VPS50: variants seen among roughly 807,000 people sequenced by gnomAD.
VPS50 encodes the protein syndetin.
In VPS50, 70 loss-of-function variants were observed where a neutral mutation model predicts 139.7. That is an observed-to-expected ratio of 0.50 (90% CI 0.41 to 0.61). The LOEUF is 0.61. Among genes scored for constraint, VPS50 ranks in the 20% least tolerant of loss-of-function variants. VPS50 has a pLI of 0.00. For synonymous variants in VPS50, 365 were observed against 376.7 expected, an observed-to-expected ratio of 0.97 and a Z score of 0.36; for missense variants, 921 against 1,133.7, an observed-to-expected ratio of 0.81 and a Z score of 2.69.
chr7:93,275,299 A>G (rs1223009790), intron 11 of VPS50, among the ~76,000 whole-genome samples: 1 of 152,200 alleles, frequency 6.6e-6, no homozygotes, highest in East Asian at 1.9e-4. Flanking sequence ...TCTACTGTGG[A>G]TAAAATGCTA....
At chr7:93,246,147 G>GT (rs1562847908) in intron 2 of VPS50, 2 of 1,417,790 alleles carry the variant, frequency 1.4e-6, no homozygotes, top group South Asian at 2.5e-5. Flanking sequence ...TATAGCTTCC[G>GT]TTTTCCCTAT....
chr7:93,244,556 G>A (rs1459819075), intron 2 of VPS50, among the ~76,000 whole-genome samples: 2 of 151,784 alleles, frequency 1.3e-5, no homozygotes, highest in African/African-American at 2.4e-5. Context: ...CTTTTTGCTC[G>A]AATGTTTTAT....
intron 23 of VPS50, among the ~76,000 whole-genome samples, chr7:93,342,414 A>G (rs1798245209): frequency 6.6e-6 from 1 of 152,218 alleles, no homozygotes; most frequent in Non-Finnish European, 1.5e-5. Flanking sequence ...GGCACCCGCC[A>G]TTGCCCAGGC....
intron 20 of VPS50, among the ~76,000 whole-genome samples, chr7:93,313,282 G>T (rs1435286872): frequency 3.9e-5 from 6 of 152,184 alleles, no homozygotes; most frequent in African/African-American, 7.2e-5. Flanking sequence ...CAAGGGAAGT[G>T]GGCAGGGCTG....
chr7:93,328,192 C>A (rs573251595), intron 21 of VPS50, among the ~76,000 whole-genome samples: 1 of 152,248 alleles, frequency 6.6e-6, no homozygotes, highest in South Asian at 2.1e-4. Context: ...CCATTGTTCA[C>A]CTCTTAAATT....
intron 9 of VPS50, among the ~76,000 whole-genome samples, chr7:93,268,698 G>T (rs1562860603): frequency 6.6e-6 from 1 of 152,146 alleles, no homozygotes; most frequent in Admixed American, 6.6e-5. Context: ...TGGTGTATAT[G>T]TACCACATTT....
chr7:93,297,740 TAA>T (rs1469771960), intron 16 of VPS50, among the ~76,000 whole-genome samples: 1 of 152,106 alleles, frequency 6.6e-6, no homozygotes, highest in Non-Finnish European at 1.5e-5. Flanking sequence ...TGCTAATATT[TAA>T]AAGAGTGACT....
At chr7:93,303,283 A>G (rs1330929086) in intron 16 of VPS50, among the ~76,000 whole-genome samples, 177 bp from the exon 17 acceptor site, 1 of 151,914 alleles carries the variant, frequency 6.6e-6, no homozygotes, top group African/African-American at 2.4e-5. Context: ...ATGATAAGAT[A>G]TTAACTAATA....
chr7:93,296,692 T>G (rs1357004598), intron 14 of VPS50, 50 bp from the exon 15 acceptor site: 1 of 1,577,894 alleles, frequency 6.3e-7, no homozygotes, highest in East Asian at 2.3e-5. Flanking sequence ...TCTGATAACT[T>G]ATTTTCTATA....
At chr7:93,233,424 T>C (rs548514132) in intron 1 of VPS50, among the ~76,000 whole-genome samples, 1 of 152,346 alleles carries the variant, frequency 6.6e-6, no homozygotes, top group Admixed American at 6.5e-5. Context: ...GAAAGGTATA[T>C]TTGTGAGTTT....
rs1447004050 is a variant in VPS50, at chr7:93,359,929, T to C, written c.*1493T>C. ...AGTTCATTTACTGTCAATTTAAAAC[T>C]TTCCTCTTGTAAAAAGGTATGAGTT... On this transcript the variant is annotated 3_prime_UTR_variant, in exon 28 of 28. Transcript: ENST00000305866. 6.6e-6 allele frequency: 1 copy of C among 152,316 alleles called. No homozygotes were observed. The highest frequency in any genetic ancestry group is 1.9e-4 in the East Asian group (1 of 5,186). 9.4% of individuals were successfully genotyped at this position (152,316 alleles called of 1,614,324 possible).
In VPS50 at chr7:93,324,219, C is replaced by T. The variant is rs181095331; in HGVS notation, c.1977+487C>T. ...CAATGGGGTTTTCTAGATATACAAT[C>T]ATGTCATCTGCAAACAGGGACAATT... On this transcript the variant is annotated intron_variant, in intron 21 of 27. Coordinates refer to ENST00000305866, the MANE Select transcript of VPS50 (RefSeq NM_017667.4). Among the ~76,000 whole-genome samples, 11 of 152,310 alleles carry T rather than the reference C, an allele frequency of 7.2e-5. 1 individual carries two copies. The highest frequency in any genetic ancestry group is 7.2e-4 in the Admixed American group (11 of 15,298).
chr7:93,348,661 T>C (rs968350212), intron 23 of VPS50, 50 bp from the exon 24 acceptor site: 3 of 1,177,934 alleles, frequency 2.5e-6, no homozygotes, highest in Non-Finnish European at 2.5e-6. Context: ...CATGACAGGC[T>C]CTAAATCCTA....
chr7:93,291,811 A>G lies in VPS50; in HGVS notation c.1051A>G (p.Asn351Asp). The stretch of plus-strand genomic sequence containing the variant: ...TATGGAATGGCATGAAAAGCATGAC[A>G]ATGAGGATACTGCTTCAGCTTCTGG... ...RTMEWHEKHD[N>D]EDTASASEGS... Residue 351 changes from asparagine (N) to aspartate (D), a missense_variant, in exon 13 of 28, where the codon AAT (asparagine) becomes GAT (aspartate). Asn to Asp is a conservative substitution (Grantham distance 23). Coordinates refer to ENST00000305866, the MANE Select transcript of VPS50 (RefSeq NM_017667.4). 1 of 1,594,888 alleles carries G rather than the reference A, an allele frequency of 6.3e-7. No homozygotes were observed. The highest frequency in any genetic ancestry group is 8.5e-7 in the Non-Finnish European group (1 of 1,171,176).
chr7:93,321,031 G>A (rs183057865), intron 20 of VPS50: 14 of 152,262 alleles, frequency 9.2e-5, no homozygotes, highest in Admixed American at 8.5e-4. Flanking sequence ...GCTTGTTTTT[G>A]TAAATAAAGT....
At chr7:93,249,500 C>T (rs1270507336) in intron 2 of VPS50, among the ~76,000 whole-genome samples, 1 of 152,098 alleles carries the variant, frequency 6.6e-6, no homozygotes, top group Admixed American at 6.6e-5. Flanking sequence ...ATGTCATTGA[C>T]ATTTATGCTT....
At chr7:93,348,601 TTTA>T (rs1798469759) in intron 23 of VPS50, 107 bp from the exon 24 acceptor site, 5 of 725,822 alleles carry the variant, frequency 6.9e-6, no homozygotes, top group Non-Finnish European at 1.2e-5. Flanking sequence ...GAAAGTAATT[TTTA>T]TTGTTAAAGT....
At chr7:93,335,680 G>A (rs1001668596) in intron 22 of VPS50, among the ~76,000 whole-genome samples, 3 of 151,638 alleles carry the variant, frequency 2.0e-5, no homozygotes, top group Non-Finnish European at 4.4e-5. Flanking sequence ...CTTCTTATTT[G>A]ATACTTAAGT....
chr7:93,328,511 C>T (rs1190038742), intron 21 of VPS50, among the ~76,000 whole-genome samples: 1 of 152,140 alleles, frequency 6.6e-6, no homozygotes, highest in Non-Finnish European at 1.5e-5. Context: ...AGATTTCCTG[C>T]AGAAAACAAC....
Sources: allele counts gnomAD v4.1 joint callset (sites outside exome capture counted in the v4.1 genomes callset), GRCh38; gene constraint gnomAD v4.1.1; transcripts MANE v1.5; gene names NCBI Gene and HGNC (gene_info 2026-07-23, HGNC 2026-07-21).